Variants in ADCY1 observed in about 807,000 individuals in gnomAD.
ADCY1 encodes adenylate cyclase type 1.
In ADCY1, 28 loss-of-function variants were observed where a neutral mutation model predicts 105.4. The observed-to-expected ratio is 0.27, with a 90% confidence interval of 0.20 to 0.36. The LOEUF (loss-of-function observed/expected upper bound fraction) is 0.36. Ranked by LOEUF, ADCY1 falls within the 10% of genes least tolerant of loss-of-function variation. The pLI is 1.00. For synonymous variants in ADCY1, 655 were observed against 623.8 expected, an observed-to-expected ratio of 1.05 and a Z score of -0.75; for missense variants, 977 against 1,434.2, an observed-to-expected ratio of 0.68 and a Z score of 5.15.
At chr7:45,644,437 A>C (rs749034572) in intron 4 of ADCY1, among the ~76,000 whole-genome samples, 4 of 152,226 alleles carry the variant, frequency 2.6e-5, no homozygotes, top group Non-Finnish European at 5.9e-5. Context: ...AGTCAAGGCC[A>C]TGATGGGCCC....
Position 45,703,592 on chromosome 7 carries a change from A to T in ADCY1, c.2572-8A>T. The T allele has an allele frequency of 3.7e-6, 6 of 1,611,004 alleles. No homozygotes were observed. Among genetic ancestry groups the T allele is most frequent in the Non-Finnish European group, 5.1e-6 (6 of 1,178,140 alleles). On this transcript the variant is annotated splice_polypyrimidine_tract_variant and splice_region_variant and intron_variant, in intron 15 of 19. Transcript: ENST00000297323. The surrounding 1 kb of genome is among the most constrained non-coding windows in gnomAD (Gnocchi z 5.9). ...TGACCCTTCCTGACCCATCCTTTGA[A>T]CTTCCAGGACCTCTACTACCAGTCC...
At chr7:45,637,534 C>T (rs560436498) in intron 4 of ADCY1, among the ~76,000 whole-genome samples, 1 of 151,990 alleles carries the variant, frequency 6.6e-6, no homozygotes, top group African/African-American at 2.4e-5. Context: ...CCAGACTGGA[C>T]AACATAATGA....
At chr7:45,585,439 CTTT>C (rs56193100) in intron 1 of ADCY1, among the ~76,000 whole-genome samples, 1,638 of 121,064 alleles carry the variant, frequency 0.014, 31 homozygotes, top group African/African-American at 0.043. Flanking sequence ...GTGGGTACAT[CTTT>C]TTTTTTTTTT....
At chr7:45,599,861 T>C (rs548065203) in intron 2 of ADCY1, among the ~76,000 whole-genome samples, 2 of 152,308 alleles carry the variant, frequency 1.3e-5, no homozygotes, top group African/African-American at 2.4e-5. Flanking sequence ...CCTGACCTCC[T>C]GTGATCTGCC....
intron 2 of ADCY1, 49 bp from the exon 3 acceptor site, chr7:45,610,330 G>T: frequency 6.5e-7 from 1 of 1,538,846 alleles, no homozygotes. Context: ...GAGGAGGAGT[G>T]GAGGGAGGGG....
intron 4 of ADCY1, among the ~76,000 whole-genome samples, chr7:45,625,588 ATG>A (rs1314455467): frequency 6.6e-6 from 1 of 152,024 alleles, no homozygotes; most frequent in African/African-American, 2.4e-5. Context: ...ATGTGTGTAG[ATG>A]TGTTACATGT....
At chr7:45,610,518 G>T in intron 3 of ADCY1, 21 bp downstream of exon 3, 1 of 1,597,726 alleles carries the variant, frequency 6.3e-7, no homozygotes, top group Non-Finnish European at 8.6e-7. Flanking sequence ...TGCTGACCCG[G>T]CACAGCGGGG....
intron 8 of ADCY1, among the ~76,000 whole-genome samples, chr7:45,664,022 G>A (rs1470369130): frequency 2.6e-5 from 4 of 152,022 alleles, no homozygotes; most frequent in Non-Finnish European, 5.9e-5. Flanking sequence ...GGAAACATAG[G>A]GGTAAGGGGA....
chr7:45,575,330 G>T lies in ADCY1; in HGVS notation c.639+148G>T, dbSNP rs1056835116. 1.9e-5 allele frequency: 20 copies of T among 1,062,020 alleles called. 1 individual carries two copies. The highest frequency in any genetic ancestry group is 2.9e-5 in the Admixed American group (1 of 33,956). The allele number at this position is 1,062,020 out of a possible 1,614,324, so 65.8% of individuals were successfully genotyped here. On this transcript the variant is annotated intron_variant, in intron 1 of 19. Transcript: ENST00000297323. The surrounding 1 kb of genome is among the most constrained non-coding windows in gnomAD (Gnocchi z 4.7). ...GGGGTGTGTTCAAGGTCACTCCTAC[G>T]AGTTGGGGACGCAGTCGGGGCTGGC...
intron 14 of ADCY1, among the ~76,000 whole-genome samples, chr7:45,691,219 G>C (rs111835468): frequency 8.9e-4 from 136 of 152,272 alleles, no homozygotes; most frequent in African/African-American, 2.9e-3. Flanking sequence ...GTAATTTTAG[G>C]GCTAGAATAT....
At chr7:45,583,118 G>A (rs1792609661) in intron 1 of ADCY1, among the ~76,000 whole-genome samples, 1 of 152,360 alleles carries the variant, frequency 6.6e-6, no homozygotes, top group Non-Finnish European at 1.5e-5. Flanking sequence ...GTATGGGCAT[G>A]TGCCTGTGTG....
intron 14 of ADCY1, among the ~76,000 whole-genome samples, chr7:45,688,835 A>G: frequency 6.6e-6 from 1 of 152,002 alleles, no homozygotes; most frequent in South Asian, 2.1e-4. Context: ...ACTATAATCA[A>G]TATTAGAATA....
At chr7:45,693,859 G>A (rs1332927892) in intron 14 of ADCY1, among the ~76,000 whole-genome samples, 3 of 135,692 alleles carry the variant, frequency 2.2e-5, no homozygotes, top group South Asian at 2.7e-4. Flanking sequence ...GTAAACTATC[G>A]CAAGAACAAA....
rs544652215 is a variant in ADCY1, at chr7:45,621,346, A to G, written c.909-1286A>G. 4.6e-5 allele frequency among the ~76,000 whole-genome samples: 7 copies of G among 152,294 alleles called. No homozygotes were observed. The South Asian group carries it at 1.5e-3, about 32-fold the overall frequency. ...CTCCCAAAGTGCTGGGATTACAGGC[A>G]TGAGCCACCATGCCCTGCCATGAAT... On this transcript the variant is annotated intron_variant, in intron 3 of 19. Coordinates refer to ENST00000297323, the MANE Select transcript of ADCY1 (RefSeq NM_021116.4).
chr7:45,583,976 C>A (rs772057243), intron 1 of ADCY1, among the ~76,000 whole-genome samples: 13 of 107,520 alleles, frequency 1.2e-4, no homozygotes, highest in African/African-American at 4.4e-4. Flanking sequence ...CAGACAAAGT[C>A]TCTTTCTGTA....
At chr7:45,655,006 T>C (rs1794900780) in intron 5 of ADCY1, among the ~76,000 whole-genome samples, 1 of 152,186 alleles carries the variant, frequency 6.6e-6, no homozygotes, top group African/African-American at 2.4e-5. Flanking sequence ...TGTTGTTATT[T>C]CTAGAAATTC....
intron 8 of ADCY1, among the ~76,000 whole-genome samples, chr7:45,677,275 C>T (rs1044484722): frequency 8.5e-5 from 13 of 152,134 alleles, no homozygotes; most frequent in African/African-American, 3.1e-4. Flanking sequence ...TATTAAGTAC[C>T]AGAGGTTCTG....
intron 17 of ADCY1, among the ~76,000 whole-genome samples, chr7:45,707,344 A>G (rs188095283): frequency 1.3e-5 from 2 of 152,250 alleles, no homozygotes; most frequent in Non-Finnish European, 2.9e-5. Context: ...GTAGAATATT[A>G]TTAAGTGAGA....
intron 1 of ADCY1, among the ~76,000 whole-genome samples, chr7:45,576,615 C>A (rs564404193): frequency 6.6e-6 from 1 of 152,242 alleles, no homozygotes; most frequent in East Asian, 1.9e-4. Context: ...GGGAAGGAGG[C>A]TCTTCCACAG....
Sources: gnomAD v4.1 joint callset for allele counts (sites outside exome capture counted in the v4.1 genomes callset) on GRCh38, gnomAD v4.1.1 for gene constraint, Gnocchi (gnomAD v3.1) non-coding constraint, MANE v1.5 for transcripts, NCBI Gene and HGNC (gene_info 2026-07-23, HGNC 2026-07-21) for gene names.